The following TLN2 variants were observed in gnomAD, a reference collection of about 807,000 sequenced individuals.
TLN2 encodes talin 2, also known as talin-2.
Under a neutral mutation model 294.7 loss-of-function variants are expected in TLN2, and 118 were observed. That is an observed-to-expected ratio of 0.40 (90% CI 0.34 to 0.47). TLN2 has a LOEUF of 0.47. Ranked by LOEUF, TLN2 falls within the 20% of genes least tolerant of loss-of-function variation. The probability of loss-of-function intolerance (pLI) is 0.84; values close to 1 mark genes in which losing one functional copy is unlikely to be tolerated. For missense variants in TLN2, 3,083 were observed against 3,282.2 expected (o/e 0.94, Z 1.48); for synonymous variants, 1,431 against 1,304.5 (o/e 1.10, Z -2.09).
chr15:62,563,186 G>A (rs1016154669), intron 1 of TLN2, among the ~76,000 whole-genome samples: 2 of 152,042 alleles, frequency 1.3e-5, no homozygotes, highest in Non-Finnish European at 2.9e-5. Flanking sequence ...TTTCCATGGT[G>A]GTTGTACTAG....
intron 1 of TLN2, among the ~76,000 whole-genome samples, chr15:62,480,364 C>T (rs1567013542): frequency 2.0e-5 from 3 of 152,082 alleles, no homozygotes; most frequent in Admixed American, 2.0e-4. Context: ...TAGGTGCCCG[C>T]CACCATGCCT....
intron 1 of TLN2, among the ~76,000 whole-genome samples, chr15:62,585,359 A>G (rs2045505543): frequency 6.6e-6 from 1 of 152,204 alleles, no homozygotes; most frequent in Non-Finnish European, 1.5e-5. Flanking sequence ...TCCAGACACC[A>G]TGCTAAAAAC....
chr15:62,775,534 C>G (rs1344578419), intron 42 of TLN2, among the ~76,000 whole-genome samples: 1 of 152,202 alleles, frequency 6.6e-6, no homozygotes, highest in Admixed American at 6.5e-5. Context: ...TATTTCCCAT[C>G]TCATCAGATG....
rs78559848 is a variant in TLN2 at position 62,567,201 on chromosome 15, G to A, written c.-237-22486G>A. On this transcript the variant is annotated intron_variant, in intron 1 of 58. Coordinates refer to ENST00000636159, the MANE Select transcript of TLN2 (RefSeq NM_015059.3). ...GTTGACTTAACCAGCTCTTTCTTTC[G>A]GATCATTCAGTTGTTTCCAAGACCT... Among the ~76,000 whole-genome samples, 154 of 152,198 alleles carry A rather than the reference G, an allele frequency of 1.0e-3. 1 individual carries two copies. The highest frequency in any genetic ancestry group is 3.7e-3 in the African/African-American group (153 of 41,516).
Position 62,748,435 on chromosome 15 carries a change from G to T in TLN2, c.4110G>T (p.Arg1370=). 6.2e-7 allele frequency: 1 copy of T among 1,613,644 alleles called. No homozygotes were observed. Among genetic ancestry groups the T allele is most frequent in the African/African-American group, 1.3e-5 (1 of 75,014 alleles). The change falls in exon 33 of 59, where the codon CGG becomes CGT. Residue 1370 remains arginine (R), a synonymous_variant. Coordinates refer to ENST00000636159, the MANE Select transcript of TLN2 (RefSeq NM_015059.3). ...PGQKECDNAL[R]ELETVKGMLD... ...AGAAAGAGTGCGATAATGCCCTGCG[G>T]GAGCTCGAGGTAGGTCCCTGGGAAG...
intron 36 of TLN2, chr15:62,754,348 T>C (rs1052527253): frequency 6.6e-6 from 1 of 152,600 alleles, no homozygotes; most frequent in Non-Finnish European, 1.5e-5. Flanking sequence ...AAGGAAGGTG[T>C]GATTAATTCT....
At chr15:62,396,990 C>T (rs968890707) in intron 1 of TLN2, among the ~76,000 whole-genome samples, 1 of 152,168 alleles carries the variant, frequency 6.6e-6, no homozygotes, top group Non-Finnish European at 1.5e-5. Context: ...CAGGCATGAG[C>T]CACGGTGCCT....
intron 1 of TLN2, among the ~76,000 whole-genome samples, chr15:62,536,728 C>G (rs897168274): frequency 6.6e-6 from 1 of 152,062 alleles, no homozygotes; most frequent in Non-Finnish European, 1.5e-5. Flanking sequence ...CTTTCCTGAC[C>G]GAGCTATTCG....
intron 23 of TLN2, 80 bp downstream of exon 23, chr15:62,716,539 G>T: frequency 6.7e-7 from 1 of 1,486,720 alleles, no homozygotes; most frequent in Non-Finnish European, 8.9e-7. Flanking sequence ...AATTAACAAG[G>T]TGTTGACAAT....
chr15:62,659,997 C>T (rs1395924855), intron 9 of TLN2, among the ~76,000 whole-genome samples: 3 of 152,150 alleles, frequency 2.0e-5, no homozygotes, highest in Non-Finnish European at 2.9e-5. Context: ...CTCTCTTTTG[C>T]AGCCTTTATA....
chr15:62,587,105 GT>G (rs1370646842), intron 1 of TLN2, among the ~76,000 whole-genome samples: 1 of 152,204 alleles, frequency 6.6e-6, no homozygotes, highest in African/African-American at 2.4e-5. Context: ...AAAGGCAGGG[GT>G]GACATGACCC....
At chr15:62,487,925 T>A (rs571899493) in intron 1 of TLN2, among the ~76,000 whole-genome samples, 81 of 147,358 alleles carry the variant, frequency 5.5e-4, no homozygotes, top group African/African-American at 2.0e-3. Flanking sequence ...AATAAATAAA[T>A]AAAATTGCCA....
At chr15:62,440,816 C>T (rs1468763172) in intron 1 of TLN2, among the ~76,000 whole-genome samples, 1 of 152,174 alleles carries the variant, frequency 6.6e-6, no homozygotes, top group Non-Finnish European at 1.5e-5. Context: ...GAGGCAGTTT[C>T]AACCATTTTT....
intron 1 of TLN2, among the ~76,000 whole-genome samples, chr15:62,503,236 G>A (rs532192667): frequency 6.6e-6 from 1 of 152,142 alleles, no homozygotes; most frequent in Non-Finnish European, 1.5e-5. Context: ...AATAATAAAA[G>A]TCACTTACTC....
rs561781632 is a variant in TLN2, at chr15:62,777,984, TC to T, written c.5514+1075del. ...GATAGCATGCCAAGAATTTTAGACA[TC>T]GTCTATGTTTTGAAATGTCCATTGT... On this transcript the variant is annotated intron_variant, in intron 43 of 58. Transcript: ENST00000636159. Among the ~76,000 whole-genome samples the T allele has an allele frequency of 2.6e-5, 4 of 152,352 alleles. No individual in the cohort carries two copies. In the South Asian group the frequency reaches 8.3e-4, roughly 32 times the overall value.
intron 2 of TLN2, among the ~76,000 whole-genome samples, chr15:62,614,339 C>T (rs1413120545): frequency 6.6e-6 from 1 of 152,176 alleles, no homozygotes; most frequent in Non-Finnish European, 1.5e-5. Context: ...TAAAAACTTT[C>T]TGTCTTCTGA....
chr15:62,797,179 C>T (rs144648521), intron 47 of TLN2, 40 bp from the exon 48 acceptor site: 2 of 1,610,798 alleles, frequency 1.2e-6, no homozygotes, highest in African/African-American at 1.3e-5. Context: ...GCTTTGCCCT[C>T]TGTCTCTCCC....
At chr15:62,738,969 A>G (rs1461524145) in intron 30 of TLN2, among the ~76,000 whole-genome samples, 2 of 152,216 alleles carry the variant, frequency 1.3e-5, no homozygotes, top group African/African-American at 4.8e-5. Context: ...CTTTTAGTTT[A>G]CAAAGCTAAA....
chr15:62,841,152 G>A lies in TLN2; in HGVS notation c.*542G>A, dbSNP rs1408861280. On this transcript the variant is annotated 3_prime_UTR_variant, in exon 59 of 59. Coordinates refer to ENST00000636159, the MANE Select transcript of TLN2 (RefSeq NM_015059.3). ...TCTTGAGCACTGGCTCACCCAGGGG[G>A]TGAAAAATTCCCGCCCCTGTTTGCA... 6.5e-6 allele frequency: 1 copy of A among 152,796 alleles called. No individual in the cohort carries two copies. The highest frequency in any genetic ancestry group is 2.4e-5 in the African/African-American group (1 of 41,442). The allele number at this position is 152,796 out of a possible 1,614,324, so 9.5% of individuals were successfully genotyped here. A position where few individuals can be genotyped will look rare whatever the true frequency, so the allele number is the denominator to read the frequency against.
Sources: gnomAD v4.1 joint callset for allele counts (sites outside exome capture counted in the v4.1 genomes callset) on GRCh38, gnomAD v4.1.1 for gene constraint, MANE v1.5 for transcripts, NCBI Gene and HGNC (gene_info 2026-07-23, HGNC 2026-07-21) for gene names.